The following IMMP2L variants were observed in gnomAD, a reference collection of about 807,000 sequenced individuals.
The protein encoded by IMMP2L is inner mitochondrial membrane peptidase subunit 2.
IMMP2L carries 18 observed loss-of-function variants against 19.3 expected under a neutral mutation model. That is an observed-to-expected ratio of 0.93 (90% CI 0.64 to 1.38). The LOEUF (loss-of-function observed/expected upper bound fraction) is 1.38, where lower values mean the gene tolerates loss of function less well. Ranked by LOEUF, IMMP2L falls within the 40% of genes most tolerant of loss-of-function variation. The pLI is 0.00. For missense variants in IMMP2L, 233 were observed against 218.2 expected (o/e 1.07, Z -0.43); for synonymous variants, 76 against 73.0 (o/e 1.04, Z -0.21).
rs78681727 is a variant in IMMP2L, at chr7:110,774,684, T to C, written c.409-110963A>G. ...ACACTTGTGTTACAAGTGCCTACGGTATTTAGAACAGTAACATGCTATACA... is the reference window on the plus strand; with the variant it reads ...ACACTTGTGTTACAAGTGCCTACGGCATTTAGAACAGTAACATGCTATACA... On this transcript the variant is annotated intron_variant, in intron 5 of 5. Transcript: ENST00000405709. 9.4e-3 allele frequency among the ~76,000 whole-genome samples: 1,430 copies of C among 152,178 alleles called. 12 individuals are homozygous for C. Among genetic ancestry groups the C allele is most frequent in the Middle Eastern group, 0.027 (8 of 294 alleles).
intron 3 of IMMP2L, among the ~76,000 whole-genome samples, chr7:111,266,742 C>A (rs1205886382): frequency 6.6e-6 from 1 of 152,100 alleles, no homozygotes; most frequent in Non-Finnish European, 1.5e-5. Context: ...CATTTTCCTG[C>A]CAGACATGTG....
intron 3 of IMMP2L, among the ~76,000 whole-genome samples, chr7:111,391,176 G>C (rs1007505061): frequency 6.6e-6 from 1 of 152,000 alleles, no homozygotes; most frequent in East Asian, 1.9e-4. Context: ...GAATCTCTAG[G>C]AAGCACAGGA....
intron 3 of IMMP2L, among the ~76,000 whole-genome samples, chr7:111,372,455 C>T (rs1830338621): frequency 6.6e-6 from 1 of 151,958 alleles, no homozygotes; most frequent in African/African-American, 2.4e-5. Flanking sequence ...TCACCCTCCA[C>T]CTGCCACCCA....
At chr7:110,840,059 A>G (rs1474942315) in intron 5 of IMMP2L, among the ~76,000 whole-genome samples, 2 of 152,124 alleles carry the variant, frequency 1.3e-5, no homozygotes, top group East Asian at 3.9e-4. Context: ...AACATAGAGA[A>G]TGAGATTCCC....
At chr7:111,390,012 G>A (rs1448796998) in intron 3 of IMMP2L, among the ~76,000 whole-genome samples, 1 of 152,064 alleles carries the variant, frequency 6.6e-6, no homozygotes, top group Non-Finnish European at 1.5e-5. Context: ...GGATAAAATT[G>A]CAAAATTTCC....
chr7:110,999,470 G>A (rs1585670871), intron 3 of IMMP2L, among the ~76,000 whole-genome samples: 1 of 150,054 alleles, frequency 6.7e-6, no homozygotes, highest in African/African-American at 2.4e-5. Flanking sequence ...TAGTGTTATT[G>A]ATTTAATTTC....
At chr7:111,396,737 T>C (rs978779830) in intron 3 of IMMP2L, among the ~76,000 whole-genome samples, 1 of 152,142 alleles carries the variant, frequency 6.6e-6, no homozygotes, top group Non-Finnish European at 1.5e-5. Context: ...CATAACAATA[T>C]ACAATGCTAG....
intron 3 of IMMP2L, among the ~76,000 whole-genome samples, chr7:110,999,862 G>T (rs998946164): frequency 1.3e-5 from 2 of 152,092 alleles, no homozygotes; most frequent in Non-Finnish European, 2.9e-5. Context: ...TTTGACTGGG[G>T]TATTTGTGTG....
chr7:110,973,962 T>C (rs1820427246), intron 3 of IMMP2L, among the ~76,000 whole-genome samples: 1 of 152,116 alleles, frequency 6.6e-6, no homozygotes, highest in African/African-American at 2.4e-5. Flanking sequence ...TCTTCATGTG[T>C]GGACGAAATT....
chr7:111,428,035 G>A (rs1181795236), intron 3 of IMMP2L, among the ~76,000 whole-genome samples: 2 of 151,818 alleles, frequency 1.3e-5, no homozygotes, highest in Non-Finnish European at 2.9e-5. Flanking sequence ...TGGTACAAGT[G>A]TAGTCTGTGT....
chr7:111,143,683 CTG>C (rs1235427760), intron 3 of IMMP2L, among the ~76,000 whole-genome samples: 2 of 152,124 alleles, frequency 1.3e-5, no homozygotes. Context: ...AAAAAGATAA[CTG>C]TAACTGTGGA....
intron 3 of IMMP2L, among the ~76,000 whole-genome samples, chr7:111,235,845 T>C (rs1814247289): frequency 6.6e-6 from 1 of 152,074 alleles, no homozygotes; most frequent in Non-Finnish European, 1.5e-5. Flanking sequence ...TGTCCTACAG[T>C]TCACTGATTG....
chr7:111,240,862 G>C (rs1402268223), intron 3 of IMMP2L, among the ~76,000 whole-genome samples: 1 of 151,794 alleles, frequency 6.6e-6, no homozygotes, highest in Admixed American at 6.6e-5. Context: ...CACTTAATGT[G>C]ATTTTTTTAA....
intron 3 of IMMP2L, among the ~76,000 whole-genome samples, chr7:111,188,654 T>C (rs990844461): frequency 2.6e-5 from 4 of 152,038 alleles, no homozygotes; most frequent in African/African-American, 9.7e-5. Context: ...AGGAAGTAAT[T>C]TGTTTTGTCC....
intron 3 of IMMP2L, among the ~76,000 whole-genome samples, chr7:110,996,134 C>T (rs1210000408): frequency 6.6e-6 from 1 of 152,088 alleles, no homozygotes; most frequent in Non-Finnish European, 1.5e-5. Flanking sequence ...TATGCAATTG[C>T]ACCTATAAGT....
intron 3 of IMMP2L, among the ~76,000 whole-genome samples, chr7:111,288,208 A>ATG (rs1446947059): frequency 1.3e-5 from 2 of 152,192 alleles, no homozygotes; most frequent in African/African-American, 4.8e-5. Context: ...AGGAATAAAG[A>ATG]TGTGGTCAAA....
At chr7:110,810,505 A>C (rs948413820) in intron 5 of IMMP2L, among the ~76,000 whole-genome samples, 1 of 152,092 alleles carries the variant, frequency 6.6e-6, no homozygotes, top group African/African-American at 2.4e-5. Context: ...TGACATGAGA[A>C]TGAACATTTA....
chr7:111,432,583 T>C lies in IMMP2L; in HGVS notation c.239+54655A>G, dbSNP rs540729009. 2.0e-5 allele frequency among the ~76,000 whole-genome samples: 3 copies of C among 151,696 alleles called. No individual in the cohort carries two copies. In the South Asian group the frequency reaches 6.2e-4, roughly 32 times the overall value. On this transcript the variant is annotated intron_variant, in intron 3 of 5. Coordinates refer to ENST00000405709, the MANE Select transcript of IMMP2L (RefSeq NM_032549.4). ...ACATACTTCAACATAATAAAGGCCA[T>C]ATATGACAAACCCACAGCCAACATT...
intron 3 of IMMP2L, among the ~76,000 whole-genome samples, chr7:110,987,773 T>C (rs1274390613): frequency 1.3e-5 from 2 of 152,160 alleles, no homozygotes; most frequent in East Asian, 1.9e-4. Context: ...TAACATATCA[T>C]AGATGGTATG....
Sources: allele counts gnomAD v4.1 joint callset (sites outside exome capture counted in the v4.1 genomes callset), GRCh38; gene constraint gnomAD v4.1.1; transcripts MANE v1.5; gene names NCBI Gene and HGNC (gene_info 2026-07-23, HGNC 2026-07-21).